Variants in BICRA observed in about 807,000 individuals in gnomAD.
BICRA encodes the protein BRD4 interacting chromatin remodeling complex associated protein.
A neutral mutation model predicts 96.9 loss-of-function variants in BICRA; 31 were observed. The observed-to-expected ratio is 0.32, with a 90% CI of 0.24 to 0.43. The LOEUF is 0.43. BICRA is among the 20% of genes least tolerant of loss of function. The pLI is 1.00. For synonymous variants in BICRA, 1,350 were observed against 1,071.8 expected, an observed-to-expected ratio of 1.26 and a Z score of -5.07; for missense variants, 2,283 against 2,190.3, an observed-to-expected ratio of 1.04 and a Z score of -0.84.
At chr19:47,618,868 C>G (rs1972021020) in intron 1 of BICRA, among the ~76,000 whole-genome samples, 1 of 152,190 alleles carries the variant, frequency 6.6e-6, no homozygotes, top group Admixed American at 6.5e-5. Flanking sequence ...GGTGAAGCTC[C>G]CCGGAGCCAC....
At chr19:47,669,465 A>G (rs895632660) in intron 1 of BICRA, among the ~76,000 whole-genome samples, 4 of 152,120 alleles carry the variant, frequency 2.6e-5, no homozygotes, top group African/African-American at 9.7e-5. Context: ...AAATAGCAAG[A>G]ATTGGCTGTA....
intron 1 of BICRA, chr19:47,663,668 T>G (rs1972734996): frequency 1.3e-5 from 2 of 152,206 alleles, no homozygotes; most frequent in Non-Finnish European, 2.9e-5. Flanking sequence ...TTACTCTAAC[T>G]GCAAGAAAGG....
At chr19:47,620,667 C>CAAAAAAAAAAAAAAA (rs10675281) in intron 1 of BICRA, among the ~76,000 whole-genome samples, 12 of 67,666 alleles carry the variant, frequency 1.8e-4, no homozygotes, top group Non-Finnish European at 2.3e-4. Context: ...GAGACTGTCT[C>CAAAAAAAAAAAAAAA]AAAAAAAAAA....
chr19:47,674,223 C>A (rs1209892297), intron 4 of BICRA, among the ~76,000 whole-genome samples: 1 of 149,596 alleles, frequency 6.7e-6, no homozygotes, highest in Non-Finnish European at 1.5e-5. Flanking sequence ...GAGAGCTTGG[C>A]ATGGTTGAGG....
Position 47,675,970 on chromosome 19 carries a change from G to A in BICRA, c.150+54G>A. 1 of 1,334,452 alleles carries A rather than the reference G, an allele frequency of 7.5e-7. No individual in the cohort carries two copies. The highest frequency in any genetic ancestry group is 1.1e-6 in the Non-Finnish European group (1 of 947,644). The allele number at this position is 1,334,452 out of a possible 1,614,324, so 82.7% of individuals were successfully genotyped here. A position where few individuals can be genotyped will look rare whatever the true frequency, so the allele number is the denominator to read the frequency against. ...TGAGCTGTTGGGGCTGCCAGCGGGAGGAGGGCCCTGAAGCCAAGAGGGGAG... is the reference window on the plus strand; with the variant it reads ...TGAGCTGTTGGGGCTGCCAGCGGGAAGAGGGCCCTGAAGCCAAGAGGGGAG... On this transcript the variant is annotated intron_variant, in intron 5 of 14. Transcript: ENST00000594866. This position sits in a 1 kb window ranked among gnomAD's most constrained non-coding sequence, Gnocchi z 4.7.
intron 1 of BICRA, among the ~76,000 whole-genome samples, chr19:47,650,501 C>T (rs1351817482): frequency 1.3e-5 from 2 of 152,190 alleles, no homozygotes; most frequent in African/African-American, 2.4e-5. Flanking sequence ...AAGTGATTCT[C>T]CCACCTTGGC....
chr19:47,656,504 A>C (rs1411012031), intron 1 of BICRA, among the ~76,000 whole-genome samples: 1 of 152,206 alleles, frequency 6.6e-6, no homozygotes, highest in East Asian at 1.9e-4. Flanking sequence ...AGACATGGTT[A>C]ATGTCTAAGT....
chr19:47,669,319 C>T (rs1425696138), intron 1 of BICRA, among the ~76,000 whole-genome samples: 3 of 151,840 alleles, frequency 2.0e-5, no homozygotes, highest in African/African-American at 7.3e-5. Flanking sequence ...CAAACAGAAA[C>T]GCATATAAGT....
intron 1 of BICRA, among the ~76,000 whole-genome samples, chr19:47,615,421 T>G (rs1271707572): frequency 6.6e-6 from 1 of 152,212 alleles, no homozygotes; most frequent in African/African-American, 2.4e-5. Flanking sequence ...TCCTTGCCTC[T>G]TCCTCCTGCT....
At chr19:47,655,548 A>AAT (rs55771999) in intron 1 of BICRA, among the ~76,000 whole-genome samples, 4 of 145,876 alleles carry the variant, frequency 2.7e-5, no homozygotes, top group Non-Finnish European at 4.5e-5. Context: ...AAAAAAAAAA[A>AAT]TTAGTAAAAT....
At chr19:47,638,899 C>T (rs1972341482) in intron 1 of BICRA, among the ~76,000 whole-genome samples, 1 of 152,176 alleles carries the variant, frequency 6.6e-6, no homozygotes, top group Non-Finnish European at 1.5e-5. Flanking sequence ...AAGTGACTTG[C>T]TTGCCCTGGC....
chr19:47,654,855 G>A (rs16972334), intron 1 of BICRA, among the ~76,000 whole-genome samples: 3,193 of 151,944 alleles, frequency 0.021, 95 homozygotes, highest in African/African-American at 0.069. Context: ...AATTTTGGTC[G>A]TGTCAATGGT....
At position 47,701,485 on chromosome 19, in the gene BICRA, C is replaced by T. The variant is rs1284068798; in HGVS notation, c.3753C>T (p.Gly1251=). Residue 1251 remains glycine, a synonymous_variant, in exon 15 of 15, where the codon GGC becomes GGT. Transcript: ENST00000594866. The surrounding 1 kb of genome is among the most constrained non-coding windows in gnomAD (Gnocchi z 5.4). The part of the protein sequence containing the change: ...HLPTKLVIRH[G]GAGGSPSVTW... ...CCACCAAGCTTGTGATCCGGCACGG[C>T]GGGGCAGGCGGCTCCCCTTCGGTCA... The T allele has an allele frequency of 5.8e-6, 9 of 1,549,912 alleles. No individual in the cohort carries two copies. Among genetic ancestry groups the T allele is most frequent in the East Asian group, 2.4e-5 (1 of 40,886 alleles).
At chr19:47,645,170 A>C (rs1263772657) in intron 1 of BICRA, among the ~76,000 whole-genome samples, 1 of 152,174 alleles carries the variant, frequency 6.6e-6, no homozygotes, top group Non-Finnish European at 1.5e-5. Flanking sequence ...GAATCACGCC[A>C]GTTGCATTTA....
chr19:47,685,917 TC>T (rs1190264787), intron 7 of BICRA, among the ~76,000 whole-genome samples: 36 of 151,964 alleles, frequency 2.4e-4, no homozygotes, highest in Admixed American at 2.4e-3. Flanking sequence ...CCTTTTTTTT[TC>T]CTTGACCCAC....
At chr19:47,676,881 A>G (rs1972950356) in intron 5 of BICRA, among the ~76,000 whole-genome samples, 1 of 151,940 alleles carries the variant, frequency 6.6e-6, no homozygotes, top group South Asian at 2.1e-4. Flanking sequence ...ATCCCCATTC[A>G]GGTTCTAAAC....
intron 1 of BICRA, among the ~76,000 whole-genome samples, chr19:47,619,216 A>AT (rs1165459196): frequency 7.9e-6 from 1 of 126,404 alleles, no homozygotes; most frequent in East Asian, 2.3e-4. Context: ...ATATATACAC[A>AT]TTTTTTTTCC....
At chr19:47,650,840 G>T (rs1212084163) in intron 1 of BICRA, among the ~76,000 whole-genome samples, 1 of 152,158 alleles carries the variant, frequency 6.6e-6, no homozygotes, top group Non-Finnish European at 1.5e-5. Flanking sequence ...GCATGTGTGA[G>T]GGCTTGTGTG....
chr19:47,701,793 C>T lies in BICRA; in HGVS notation c.4061C>T (p.Pro1354Leu), dbSNP rs1395372795. The change falls in exon 15 of 15, where the codon CCG becomes CTG. Residue 1354 changes from proline (P) to leucine (L), a missense_variant. Physicochemically the swap from Pro to Leu is moderately conservative, Grantham distance 98 (BLOSUM62 -3). Coordinates refer to ENST00000594866, the MANE Select transcript of BICRA (RefSeq NM_001394372.1). The surrounding 1 kb of genome is among the most constrained non-coding windows in gnomAD (Gnocchi z 5.4). ...CCGCCACGGCCGCCACCACCACCGC[C>T]GCCCACGGGCCAGATGAACGGCACG... Reference protein sequence around the residue: ...EPPPRPPPPPPPTGQMNGTVD... With the variant: ...EPPPRPPPPPLPTGQMNGTVD... The T allele has an allele frequency of 4.5e-6, 7 of 1,539,172 alleles. No individual in the cohort carries two copies. The highest frequency in any genetic ancestry group is 5.2e-6 in the Non-Finnish European group (6 of 1,144,304).
Sources: gnomAD v4.1 joint callset for allele counts (sites outside exome capture counted in the v4.1 genomes callset) on GRCh38, gnomAD v4.1.1 for gene constraint, Gnocchi (gnomAD v3.1) non-coding constraint, MANE v1.5 for transcripts, NCBI Gene and HGNC (gene_info 2026-07-23, HGNC 2026-07-21) for gene names.